CADM1: variants seen among roughly 807,000 people sequenced by gnomAD.
CADM1 encodes cell adhesion molecule 1.
A neutral mutation model predicts 53.1 loss-of-function variants in CADM1; 15 were observed. The observed-to-expected ratio is 0.28, with a 90% confidence interval of 0.19 to 0.44. CADM1 has a LOEUF of 0.44. Ranked by LOEUF, CADM1 falls within the 20% of genes least tolerant of loss-of-function variation. The probability of loss-of-function intolerance (pLI) is 1.00; values close to 1 mark genes in which losing one functional copy is unlikely to be tolerated. For missense variants in CADM1, 434 were observed against 611.3 expected (o/e 0.71, Z 3.06); for synonymous variants, 281 against 243.0 (o/e 1.16, Z -1.45).
At chr11:115,457,783 T>C (rs532248398) in intron 1 of CADM1, among the ~76,000 whole-genome samples, 8 of 152,140 alleles carry the variant, frequency 5.3e-5, no homozygotes, top group Non-Finnish European at 1.0e-4. Flanking sequence ...CACAGAAAAT[T>C]GGAGTTTAGA....
intron 1 of CADM1, among the ~76,000 whole-genome samples, chr11:115,254,754 T>C (rs1489152742): frequency 2.6e-5 from 4 of 152,100 alleles, no homozygotes; most frequent in Admixed American, 2.6e-4. Context: ...TGGAACAATA[T>C]GAAAAATACA....
In CADM1 at chr11:115,173,373, GC is replaced by G. The variant is rs1938866401; in HGVS notation, c.*3100del. 1 of 152,354 alleles carries G rather than the reference GC, an allele frequency of 6.6e-6. No individual in the cohort carries two copies. Among genetic ancestry groups the G allele is most frequent in the Non-Finnish European group, 1.5e-5 (1 of 68,152 alleles). The allele number at this position is 152,354 out of a possible 1,614,324, so 9.4% of individuals were successfully genotyped here. ...CACAAATCGCTGAGTCCACGTGGGA[GC>G]CCAGACTCAGCCACGGCACAGCACT... On this transcript the variant is annotated 3_prime_UTR_variant, in exon 12 of 12. Coordinates refer to ENST00000331581, the MANE Select transcript of CADM1 (RefSeq NM_001301043.2).
chr11:115,369,026 TAAAAAAAAAAA>T (rs552309443), intron 1 of CADM1, among the ~76,000 whole-genome samples: 6 of 44,750 alleles, frequency 1.3e-4, no homozygotes, highest in East Asian at 7.8e-4. Flanking sequence ...AAAAAAAATC[TAAAAAAAAAAA>T]AAAAAAAAAA....
chr11:115,298,521 T>C (rs1944138426), intron 1 of CADM1, among the ~76,000 whole-genome samples: 1 of 152,198 alleles, frequency 6.6e-6, no homozygotes, highest in Non-Finnish European at 1.5e-5. Context: ...CTTCTCCTCC[T>C]AGTCACCACT....
intron 1 of CADM1, among the ~76,000 whole-genome samples, chr11:115,463,007 TC>T (rs1948827959): frequency 6.6e-6 from 1 of 152,198 alleles, no homozygotes; most frequent in South Asian, 2.1e-4. Flanking sequence ...GAGCTAGAGC[TC>T]ATGGGCTCCT....
At chr11:115,359,306 G>A (rs1045045586) in intron 1 of CADM1, among the ~76,000 whole-genome samples, 7 of 151,820 alleles carry the variant, frequency 4.6e-5, no homozygotes, top group Non-Finnish European at 1.0e-4. Context: ...AGTAATTTGG[G>A]GATATAAAAA....
intron 1 of CADM1, among the ~76,000 whole-genome samples, chr11:115,444,081 C>A (rs1398323309): frequency 6.6e-6 from 1 of 151,786 alleles, no homozygotes; most frequent in Admixed American, 6.6e-5. Flanking sequence ...CGGCTCCATG[C>A]AATTCTAGTA....
At chr11:115,500,641 C>T (rs768042399) in intron 1 of CADM1, among the ~76,000 whole-genome samples, 1 of 152,224 alleles carries the variant, frequency 6.6e-6, no homozygotes, top group Non-Finnish European at 1.5e-5. Context: ...TCTTACCAAT[C>T]TGACATTCAC....
At chr11:115,314,633 T>C (rs982487373) in intron 1 of CADM1, among the ~76,000 whole-genome samples, 32 of 152,280 alleles carry the variant, frequency 2.1e-4, no homozygotes, top group African/African-American at 7.5e-4. Context: ...CTGGATGTCA[T>C]GGATATGGTA....
At chr11:115,394,467 C>T (rs220870) in intron 1 of CADM1, among the ~76,000 whole-genome samples, 41 of 151,088 alleles carry the variant, frequency 2.7e-4, no homozygotes, top group African/African-American at 9.5e-4. Flanking sequence ...AAGCAATAAC[C>T]AAGATAAATG....
At chr11:115,359,792 TTGTACTGTTCCAAATACA>T (rs1945980332) in intron 1 of CADM1, among the ~76,000 whole-genome samples, 1 of 152,200 alleles carries the variant, frequency 6.6e-6, no homozygotes, top group Non-Finnish European at 1.5e-5. Flanking sequence ...CATATTTGCT[TTGTACTGTTCCAAATACA>T]GTTTCTCTCC....
chr11:115,283,313 G>A (rs1328396944), intron 1 of CADM1, among the ~76,000 whole-genome samples: 7 of 152,166 alleles, frequency 4.6e-5, no homozygotes, highest in Admixed American at 3.9e-4. Flanking sequence ...GGATAGGTTG[G>A]TAGAAGGAAG....
chr11:115,247,219 C>G (rs1427210251), intron 1 of CADM1, among the ~76,000 whole-genome samples: 2 of 151,996 alleles, frequency 1.3e-5, no homozygotes, highest in Non-Finnish European at 2.9e-5. Flanking sequence ...ATCTATATGG[C>G]AAATATGTTT....
chr11:115,496,438 A>C (rs1949615418), intron 1 of CADM1, among the ~76,000 whole-genome samples: 1 of 152,154 alleles, frequency 6.6e-6, no homozygotes, highest in African/African-American at 2.4e-5. Context: ...CCTCAGTTTC[A>C]CTGGAGAATC....
chr11:115,450,148 C>CA (rs1226776788), intron 1 of CADM1, among the ~76,000 whole-genome samples: 1 of 152,074 alleles, frequency 6.6e-6, no homozygotes, highest in Non-Finnish European at 1.5e-5. Context: ...GTTCAACCAC[C>CA]AAAAATAAGG....
intron 1 of CADM1, among the ~76,000 whole-genome samples, chr11:115,354,530 A>G (rs569722252): frequency 1.3e-5 from 2 of 152,312 alleles, no homozygotes; most frequent in East Asian, 3.9e-4. Context: ...CCCTTCTACT[A>G]GGACAGCCAA....
rs550505370 is a variant in CADM1, at chr11:115,370,459, T to C, written c.125-130039A>G. Among the ~76,000 whole-genome samples the C allele has an allele frequency of 8.5e-5, 13 of 152,230 alleles. No homozygotes were observed. In the South Asian group the frequency reaches 2.5e-3, roughly 29 times the overall value. ...CAAGGTTATAAGGGTGAGGCCCTCA[T>C]GATGGCATTAGTGCCCTTAAAAAAA... On this transcript the variant is annotated intron_variant, in intron 1 of 11. Transcript: ENST00000331581.
Position 115,217,992 on chromosome 11 carries a change from CTG to C in CADM1, c.722-3_722-2del. 6.2e-7 allele frequency: 1 copy of C among 1,606,996 alleles called. No homozygotes were observed. Among genetic ancestry groups the C allele is most frequent in the Non-Finnish European group, 8.5e-7 (1 of 1,173,708 alleles). ...ATCTGAATGTGCACTTGAGGCTTATCTGTGTGACAAAAACACAAAGTATAATG... is the reference window on the plus strand; with the variant it reads ...ATCTGAATGTGCACTTGAGGCTTATCTGTGACAAAAACACAAAGTATAATG... On this transcript the variant is annotated splice_acceptor_variant and splice_polypyrimidine_tract_variant and intron_variant, in intron 5 of 11. Transcript: ENST00000331581. LOFTEE classifies it high-confidence loss of function.
intron 7 of CADM1, among the ~76,000 whole-genome samples, chr11:115,214,115 A>C (rs1941077907): frequency 6.6e-6 from 1 of 152,330 alleles, no homozygotes; most frequent in East Asian, 1.9e-4. Context: ...CAGGTGGTTC[A>C]TGTAGCTACA....
Sources: allele counts gnomAD v4.1 joint callset (sites outside exome capture counted in the v4.1 genomes callset), GRCh38; gene constraint gnomAD v4.1.1; transcripts MANE v1.5; gene names NCBI Gene and HGNC (gene_info 2026-07-23, HGNC 2026-07-21).